The following DHRSX variants were observed in gnomAD, a reference collection of about 807,000 sequenced individuals.
DHRSX encodes polyprenol dehydrogenase.
A neutral mutation model predicts 34.0 loss-of-function variants in DHRSX; 31 were observed. The ratio of observed to expected loss-of-function variants is 0.91; its 90% CI spans 0.69 to 1.23. The LOEUF is 1.23. Ranked by LOEUF, DHRSX falls within the 50% of genes most tolerant of loss-of-function variation. DHRSX has a pLI of 0.00. For missense variants in DHRSX, 414 were observed against 428.1 expected, an observed-to-expected ratio of 0.97 and a Z score of 0.29; for synonymous variants, 201 against 183.8, an observed-to-expected ratio of 1.09 and a Z score of -0.76.
intron 3 of DHRSX, among the ~76,000 whole-genome samples, chrX:2,384,350 T>C (rs143373517): frequency 0.011 from 1,688 of 152,108 alleles, 40 homozygotes; most frequent in East Asian, 0.093. Context: ...ACAAATATAT[T>C]GGTGAGAACT....
chrX:2,458,463 G>A (rs938936584), intron 1 of DHRSX, among the ~76,000 whole-genome samples: 2 of 152,248 alleles, frequency 1.3e-5, no homozygotes, highest in East Asian at 1.9e-4. Flanking sequence ...TGCATCAAGC[G>A]AATGTGGCAT....
At position 2,455,410 on chromosome X, in the gene DHRSX, C is replaced by G. The variant is rs1349023343; in HGVS notation, c.110-30106G>C. ...AAACCCCCAGGACATGCAATTTACC[C>G]GTGTAACGAACCTGCGCATGTGCCC... On this transcript the variant is annotated intron_variant, in intron 1 of 6. Coordinates refer to ENST00000334651, the MANE Select transcript of DHRSX (RefSeq NM_145177.3). Among the ~76,000 whole-genome samples the G allele has an allele frequency of 3.3e-5, 5 of 151,298 alleles. 1 individual carries two copies. Among genetic ancestry groups the G allele is most frequent in the Admixed American group, 2.0e-4 (3 of 15,212 alleles).
At chrX:2,439,716 G>A (rs1032203368) in intron 1 of DHRSX, among the ~76,000 whole-genome samples, 2 of 152,056 alleles carry the variant, frequency 1.3e-5, no homozygotes, top group African/African-American at 2.4e-5. Context: ...ATTTTCATAC[G>A]GAGCACGCCA....
intron 1 of DHRSX, among the ~76,000 whole-genome samples, chrX:2,491,508 C>T (rs922044213): frequency 1.3e-5 from 2 of 151,550 alleles, no homozygotes; most frequent in Non-Finnish European, 2.9e-5. Context: ...CCAGGCAGAC[C>T]CCCCACTGCC....
intron 2 of DHRSX, among the ~76,000 whole-genome samples, chrX:2,424,482 T>C (rs2043818042): frequency 6.6e-6 from 1 of 152,092 alleles, no homozygotes; most frequent in Admixed American, 6.6e-5. Flanking sequence ...GCCTCTGGAA[T>C]TGGGAGGAAC....
At chrX:2,436,145 A>G (rs1017629218) in intron 1 of DHRSX, among the ~76,000 whole-genome samples, 1 of 151,950 alleles carries the variant, frequency 6.6e-6, no homozygotes, top group African/African-American at 2.4e-5. Context: ...GTGAGCCGAG[A>G]TCACACCACT....
chrX:2,408,121 C>CT lies in DHRSX; in HGVS notation c.286+623dup, dbSNP rs111351764. 8.0e-3 allele frequency among the ~76,000 whole-genome samples: 1,168 copies of CT among 146,370 alleles called. 11 individuals are homozygous for CT. Among genetic ancestry groups the CT allele is most frequent in the East Asian group, 0.068 (343 of 5,020 alleles). ...TTGATTTATCTTTTTTTCTTTCTTT[C>CT]TTTTTTTTTTTTGAGACGGAGTCTT... On this transcript the variant is annotated intron_variant, in intron 3 of 6. Coordinates refer to ENST00000334651, the MANE Select transcript of DHRSX (RefSeq NM_145177.3).
chrX:2,288,134 A>C lies in DHRSX; in HGVS notation c.388+3368T>G, dbSNP rs773194766. ...AAAGTAAGTGAAGGAGATAAAAAAAAAGAGAAGGCAAGATGAGAGAGAGAA... is the reference window on the plus strand; with the variant it reads ...AAAGTAAGTGAAGGAGATAAAAAAACAGAGAAGGCAAGATGAGAGAGAGAA... On this transcript the variant is annotated intron_variant, in intron 4 of 6. Coordinates refer to ENST00000334651, the MANE Select transcript of DHRSX (RefSeq NM_145177.3). Among the ~76,000 whole-genome samples, 3 of 152,292 alleles carry C rather than the reference A, an allele frequency of 2.0e-5. No homozygotes were observed. The South Asian group carries it at 6.2e-4, about 32-fold the overall frequency.
chrX:2,402,231 G>A (rs1299178802), intron 3 of DHRSX, among the ~76,000 whole-genome samples: 1 of 152,228 alleles, frequency 6.6e-6, no homozygotes, highest in Non-Finnish European at 1.5e-5. Context: ...ACCCGATGCC[G>A]GGATCCCAGC....
chrX:2,393,939 C>A (rs886936848), intron 3 of DHRSX, among the ~76,000 whole-genome samples: 4 of 151,908 alleles, frequency 2.6e-5, no homozygotes, highest in Non-Finnish European at 2.9e-5. Context: ...CCGTCTCCTG[C>A]GCACACACAA....
chrX:2,489,710 T>C (rs779635685), intron 1 of DHRSX: 6 of 1,613,010 alleles, frequency 3.7e-6, no homozygotes, highest in Non-Finnish European at 5.1e-6. Flanking sequence ...GTTCTGCTGC[T>C]TCTGCTTCTC....
At chrX:2,476,450 G>T (rs1235554785) in intron 1 of DHRSX, among the ~76,000 whole-genome samples, 1 of 150,874 alleles carries the variant, frequency 6.6e-6, no homozygotes, top group African/African-American at 2.4e-5. Context: ...TTCATGCTGA[G>T]ATATCTACAC....
At chrX:2,421,845 T>C (rs2043784275) in intron 2 of DHRSX, among the ~76,000 whole-genome samples, 1 of 152,222 alleles carries the variant, frequency 6.6e-6, no homozygotes, top group Non-Finnish European at 1.5e-5. Context: ...ACAGTTTTTA[T>C]CGTATAGATG....
chrX:2,405,343 C>T (rs1485356312), intron 3 of DHRSX, among the ~76,000 whole-genome samples: 5 of 151,620 alleles, frequency 3.3e-5, no homozygotes, highest in African/African-American at 9.7e-5. Context: ...AAAAATTAGC[C>T]GGGCTTGGTG....
intron 6 of DHRSX, among the ~76,000 whole-genome samples, chrX:2,241,818 G>C (rs2091134184): frequency 6.6e-6 from 1 of 152,096 alleles, no homozygotes; most frequent in African/African-American, 2.4e-5. Flanking sequence ...TGAGGCAGGA[G>C]AATCGCTTGA....
chrX:2,338,666 C>T (rs2042601617), intron 3 of DHRSX, among the ~76,000 whole-genome samples: 3 of 152,100 alleles, frequency 2.0e-5, no homozygotes, highest in South Asian at 4.1e-4. Context: ...TCTCTGTACA[C>T]ATACCAGCTC....
At chrX:2,393,516 TCCTCCGCACACACGACACACAGGGACCTC>T in intron 3 of DHRSX, among the ~76,000 whole-genome samples, 12 of 140,546 alleles carry the variant, frequency 8.5e-5, no homozygotes, top group African/African-American at 3.3e-4. Flanking sequence ...CCTCCCCGTC[TCCTCCGCACACACGACACACAGGGACCTC>T]CCTGTCTCCG....
chrX:2,345,524 A>C (rs769890947), intron 3 of DHRSX, among the ~76,000 whole-genome samples: 1 of 151,882 alleles, frequency 6.6e-6, no homozygotes, highest in African/African-American at 2.4e-5. Flanking sequence ...GTGTGTGCCT[A>C]TAATCACAAC....
chrX:2,429,595 G>C (rs944947881), intron 1 of DHRSX, among the ~76,000 whole-genome samples: 1 of 149,802 alleles, frequency 6.7e-6, no homozygotes, highest in Admixed American at 6.7e-5. Context: ...CTACAGGTGT[G>C]AGCCACCACA....
Sources: gnomAD v4.1 joint callset for allele counts (sites outside exome capture counted in the v4.1 genomes callset) on GRCh38, gnomAD v4.1.1 for gene constraint, MANE v1.5 for transcripts, NCBI Gene and HGNC (gene_info 2026-07-23, HGNC 2026-07-21) for gene names.